The following MSANTD2 variants were observed in gnomAD, a reference collection of about 807,000 sequenced individuals.
MSANTD2 encodes the protein Myb/SANT DNA binding domain containing 2, also known as myb/SANT-like DNA-binding domain-containing protein 2.
MSANTD2 carries 19 observed loss-of-function variants against 52.6 expected under a neutral mutation model. The ratio of observed to expected loss-of-function variants is 0.36; its 90% confidence interval spans 0.25 to 0.53. The LOEUF (loss-of-function observed/expected upper bound fraction) is 0.53. Ranked by LOEUF, MSANTD2 falls within the 20% of genes least tolerant of loss-of-function variation. The probability of loss-of-function intolerance (pLI) is 0.91; values close to 1 mark genes in which losing one functional copy is unlikely to be tolerated. For missense variants in MSANTD2, 558 were observed against 716.3 expected (o/e 0.78, Z 2.52); for synonymous variants, 291 against 289.7 (o/e 1.00, Z -0.04).
chr11:124,784,498 C>A, intron 1 of MSANTD2: 1 of 985,120 alleles, frequency 1.0e-6, no homozygotes, highest in Non-Finnish European at 1.2e-6. Context: ...CCCCCGCCAC[C>A]TCAAAAATCC....
chr11:124,776,293 G>T (rs184941363), intron 1 of MSANTD2: 2 of 152,212 alleles, frequency 1.3e-5, no homozygotes, highest in Admixed American at 6.5e-5. Context: ...AGGAAGTTCA[G>T]TCTCTTTATT....
At chr11:124,781,009 C>T (rs1015434763) in intron 1 of MSANTD2, among the ~76,000 whole-genome samples, 21 of 152,048 alleles carry the variant, frequency 1.4e-4, no homozygotes, top group African/African-American at 4.3e-4. Context: ...ATGGCATAAC[C>T]CCGTCTCTAC....
chr11:124,769,863 A>G (rs1356946296), intron 3 of MSANTD2, among the ~76,000 whole-genome samples: 1 of 152,232 alleles, frequency 6.6e-6, no homozygotes, highest in African/African-American at 2.4e-5. Context: ...TAAATGGCCT[A>G]CCCAGATCTT....
At chr11:124,793,593 C>T (rs1001996322) in intron 1 of MSANTD2, among the ~76,000 whole-genome samples, 5 of 152,172 alleles carry the variant, frequency 3.3e-5, no homozygotes, top group East Asian at 3.9e-4. Context: ...TTTGCAGTCA[C>T]GCTAGCCACA....
intron 1 of MSANTD2, chr11:124,789,966 T>C (rs900920701): frequency 1.2e-4 from 18 of 152,176 alleles, no homozygotes; most frequent in African/African-American, 4.3e-4. Flanking sequence ...TAACAGTTAA[T>C]TGTTTTAAAG....
At chr11:124,790,325 T>C (rs1004099133) in intron 1 of MSANTD2, 11 of 152,264 alleles carry the variant, frequency 7.2e-5, no homozygotes, top group African/African-American at 2.2e-4. Context: ...GTATTTCAGT[T>C]GGTTTTCCTT....
intron 1 of MSANTD2, chr11:124,791,204 A>G: frequency 8.2e-7 from 1 of 1,223,248 alleles, no homozygotes; most frequent in Non-Finnish European, 1.2e-6. Flanking sequence ...CATGTGAGGG[A>G]CATTTGGAGA....
intron 1 of MSANTD2, chr11:124,784,091 G>A (rs1436839306): frequency 1.0e-6 from 1 of 985,030 alleles, no homozygotes; most frequent in African/African-American, 1.7e-5. Flanking sequence ...GCAATAGGTA[G>A]TAGCTACAGT....
At chr11:124,785,094 T>G (rs1945115224) in intron 1 of MSANTD2, among the ~76,000 whole-genome samples, 1 of 152,250 alleles carries the variant, frequency 6.6e-6, no homozygotes, top group African/African-American at 2.4e-5. Flanking sequence ...TAACTATTTT[T>G]ATAGCTCATT....
In MSANTD2 at chr11:124,772,998, C is replaced by T. The variant is rs757989880; in HGVS notation, c.823G>A (p.Ala275Thr). 3.8e-6 allele frequency: 6 copies of T among 1,583,106 alleles called. No individual in the cohort carries two copies. The highest frequency in any genetic ancestry group is 5.2e-6 in the Non-Finnish European group (6 of 1,152,366). ...LKIKQESSEEAQKRDIMQNIV... is the reference protein window; with the variant it reads ...LKIKQESSEETQKRDIMQNIV... ...AAAGGTGAAGCATCTACTTACTGTG[C>T]TTCTTCAGAAGACTCTTGTTTTATT... Residue 275 changes from alanine (A) to threonine (T), a missense_variant, in exon 3 of 4, where the codon GCA becomes ACA. Ala to Thr is a moderately conservative substitution (Grantham distance 58). This residue lies in a region of MSANTD2 where 408 missense variants were observed against 573.6 expected (regional missense o/e 0.71). Transcript: ENST00000374979.
intron 1 of MSANTD2, chr11:124,791,229 C>T: frequency 4.3e-6 from 6 of 1,397,114 alleles, no homozygotes; most frequent in Non-Finnish European, 5.1e-6. Context: ...CATCATTGAC[C>T]ATCAATGGGG....
intron 2 of MSANTD2, among the ~76,000 whole-genome samples, chr11:124,773,892 C>T (rs1425389637): frequency 3.3e-5 from 5 of 152,154 alleles, no homozygotes; most frequent in Non-Finnish European, 7.3e-5. Context: ...TAAGTGAGCA[C>T]TCATTACATA....
At chr11:124,782,797 C>G (rs1230255198) in intron 1 of MSANTD2, among the ~76,000 whole-genome samples, 2 of 152,082 alleles carry the variant, frequency 1.3e-5, no homozygotes, top group African/African-American at 4.8e-5. Flanking sequence ...TAGTAAATCA[C>G]TAGCAAGAGG....
At chr11:124,795,987 G>A (rs1311461815) in intron 1 of MSANTD2, among the ~76,000 whole-genome samples, 1 of 152,134 alleles carries the variant, frequency 6.6e-6, no homozygotes, top group Non-Finnish European at 1.5e-5. Context: ...TTACCCAAAC[G>A]ACAGAACAAA....
Position 124,774,865 on chromosome 11 carries a change from G to A in MSANTD2, c.620C>T (p.Ala207Val). The A allele has an allele frequency of 6.2e-7, 1 of 1,613,710 alleles. No individual in the cohort carries two copies. Among genetic ancestry groups the A allele is most frequent in the Non-Finnish European group, 8.5e-7 (1 of 1,180,000 alleles). The change falls in exon 2 of 4, where the codon GCT becomes GTT. Residue 207 changes from alanine (A) to valine (V), a missense_variant. Ala to Val is a moderately conservative substitution (Grantham distance 64). Transcript: ENST00000374979. The surrounding 1 kb of genome is among the most constrained non-coding windows in gnomAD (Gnocchi z 5.1). ...EQVFGQGGWD[A>V]QPCQPVLINS... ...AATAAGTACAGGCTGGCAGGGCTGA[G>A]CATCCCATCCTCCCTGACCAAACAC...
chr11:124,773,121 G>A (rs1260549891), intron 2 of MSANTD2, 67 bp from the exon 3 acceptor site: 2 of 890,594 alleles, frequency 2.2e-6, no homozygotes, highest in Middle Eastern at 2.7e-4. Context: ...ATGTAGATAA[G>A]TAGCTATGTT....
chr11:124,776,770 AC>A (rs35835560), intron 1 of MSANTD2, among the ~76,000 whole-genome samples: 1 of 152,150 alleles, frequency 6.6e-6, no homozygotes, highest in African/African-American at 2.4e-5. Context: ...AGAGTCTCCC[AC>A]CCTAAAGCCA....
intron 1 of MSANTD2, among the ~76,000 whole-genome samples, chr11:124,776,879 C>T (rs894159547): frequency 7.2e-5 from 11 of 152,176 alleles, no homozygotes; most frequent in African/African-American, 2.4e-4. Context: ...AGGTTTCCAA[C>T]GATACACTCT....
At chr11:124,791,179 T>C (rs990435586) in intron 1 of MSANTD2, 5 of 1,037,476 alleles carry the variant, frequency 4.8e-6, no homozygotes, top group Admixed American at 4.0e-5. Flanking sequence ...TGGTTTCAGG[T>C]TGGAAGAATG....
Sources: allele counts gnomAD v4.1 joint callset (sites outside exome capture counted in the v4.1 genomes callset), GRCh38; gene constraint gnomAD v4.1.1; regional missense constraint gnomAD v4.1.1; non-coding constraint Gnocchi (gnomAD v3.1); transcripts MANE v1.5; gene names NCBI Gene and HGNC (gene_info 2026-07-23, HGNC 2026-07-21).